The following PLCL1 variants were observed in gnomAD, a reference collection of about 807,000 sequenced individuals.
PLCL1 encodes the protein phospholipase C like 1 (inactive).
PLCL1 carries 41 observed loss-of-function variants against 84.4 expected under a neutral mutation model. The observed-to-expected ratio is 0.49, with a 90% CI of 0.38 to 0.63. PLCL1 has a LOEUF of 0.63. Among genes scored for constraint, PLCL1 ranks in the 30% least tolerant of loss-of-function variants. The pLI, the probability that PLCL1 is intolerant of heterozygous loss-of-function variation, is 0.00. For missense variants in PLCL1, 1,206 were observed against 1,367.8 expected (o/e 0.88, Z 1.87); for synonymous variants, 490 against 488.3 (o/e 1.00, Z -0.05).
At chr2:198,146,629 G>A (rs953218205) in intron 5 of PLCL1, 151 bp from the exon 6 acceptor site, 2 of 570,668 alleles carry the variant, frequency 3.5e-6, no homozygotes, top group South Asian at 7.7e-5. Flanking sequence ...TGTTAGAAAA[G>A]AACCTTGGGT....
At chr2:198,034,696 T>C (rs1691513505) in intron 1 of PLCL1, among the ~76,000 whole-genome samples, 1 of 152,212 alleles carries the variant, frequency 6.6e-6, no homozygotes, top group African/African-American at 2.4e-5. Context: ...TTAATAGACT[T>C]CATTCAGATT....
At chr2:197,890,701 T>TATATATATATACATAC (rs11270566) in intron 1 of PLCL1, among the ~76,000 whole-genome samples, 1 of 118,544 alleles carries the variant, frequency 8.4e-6, no homozygotes, top group Non-Finnish European at 1.7e-5. Context: ...TATATATATA[T>TATATATATATACATAC]ACACACACAC....
intron 1 of PLCL1, among the ~76,000 whole-genome samples, chr2:198,038,932 T>G (rs1169274471): frequency 6.6e-6 from 1 of 152,006 alleles, no homozygotes; most frequent in Non-Finnish European, 1.5e-5. Flanking sequence ...TGTAAGATAG[T>G]AATTTGTTAA....
intron 5 of PLCL1, among the ~76,000 whole-genome samples, chr2:198,135,608 A>G (rs544921696): frequency 1.3e-5 from 2 of 152,150 alleles, no homozygotes; most frequent in African/African-American, 2.4e-5. Flanking sequence ...GGGGTTTTCT[A>G]TTATTCAGCT....
At chr2:198,114,734 A>G (rs1693698089) in intron 5 of PLCL1, among the ~76,000 whole-genome samples, 1 of 151,834 alleles carries the variant, frequency 6.6e-6, no homozygotes, top group Non-Finnish European at 1.5e-5. Flanking sequence ...AAAATGGGCT[A>G]CATCTATCTA....
rs149649457 is a variant in PLCL1 at position 198,003,263 on chromosome 2, G to A, written c.241-80495G>A. ...TTTTTTTTAATATCTTAAAAAACAA[G>A]GGGCACTTCTTGCCATTTTGTGCTA... On this transcript the variant is annotated intron_variant, in intron 1 of 5. Coordinates refer to ENST00000428675, the MANE Select transcript of PLCL1 (RefSeq NM_006226.4). Among the ~76,000 whole-genome samples the A allele has an allele frequency of 1.2e-3, 188 of 152,120 alleles. 1 individual carries two copies. Among genetic ancestry groups the A allele is most frequent in the African/African-American group, 4.0e-3 (164 of 41,492 alleles).
intron 1 of PLCL1, among the ~76,000 whole-genome samples, chr2:197,914,167 T>G (rs569479487): frequency 6.6e-6 from 1 of 152,080 alleles, no homozygotes; most frequent in Non-Finnish European, 1.5e-5. Context: ...TGAAACACTT[T>G]AGGGTATATT....
intron 1 of PLCL1, among the ~76,000 whole-genome samples, chr2:197,891,499 G>A (rs1181482333): frequency 2.6e-5 from 4 of 152,116 alleles, no homozygotes; most frequent in Non-Finnish European, 4.4e-5. Flanking sequence ...GGCGTGTGAA[G>A]GGGCTAAGGT....
At chr2:198,091,504 A>ACC (rs1377531924) in intron 3 of PLCL1, among the ~76,000 whole-genome samples, 1 of 151,284 alleles carries the variant, frequency 6.6e-6, no homozygotes, top group Admixed American at 6.6e-5. Flanking sequence ...ACATAGTGAA[A>ACC]CCCCGTCTCT....
chr2:197,973,177 C>G (rs1210571733), intron 1 of PLCL1, among the ~76,000 whole-genome samples: 1 of 152,182 alleles, frequency 6.6e-6, no homozygotes, highest in Non-Finnish European at 1.5e-5. Context: ...CAGAGGCTCT[C>G]AGCCACAGTA....
At chr2:197,993,296 T>C (rs1403701898) in intron 1 of PLCL1, among the ~76,000 whole-genome samples, 1 of 152,186 alleles carries the variant, frequency 6.6e-6, no homozygotes, top group Admixed American at 6.5e-5. Context: ...TTTTGGCCAT[T>C]TGTATATCTT....
chr2:197,927,031 C>A (rs1688845217), intron 1 of PLCL1, among the ~76,000 whole-genome samples: 1 of 152,188 alleles, frequency 6.6e-6, no homozygotes, highest in African/African-American at 2.4e-5. Context: ...TCACATGTGG[C>A]AGCTAAGTTC....
intron 1 of PLCL1, among the ~76,000 whole-genome samples, chr2:198,007,891 G>A (rs1019989659): frequency 6.6e-6 from 1 of 152,026 alleles, no homozygotes; most frequent in Admixed American, 6.6e-5. Context: ...CAGGGAGAGG[G>A]AAATAAATAT....
chr2:198,017,408 G>A (rs540154285), intron 1 of PLCL1, among the ~76,000 whole-genome samples: 14 of 152,340 alleles, frequency 9.2e-5, no homozygotes, highest in Middle Eastern at 3.4e-3. Flanking sequence ...AGTTAAATCT[G>A]CAGAGGTTGT....
intron 1 of PLCL1, among the ~76,000 whole-genome samples, chr2:197,884,499 G>A (rs139390758): frequency 2.6e-5 from 4 of 152,310 alleles, no homozygotes; most frequent in African/African-American, 9.6e-5. Context: ...GAATAAAAAT[G>A]GGGATTGGTT....
At position 198,085,991 on chromosome 2, in the gene PLCL1, A is replaced by G; in HGVS notation, c.2474A>G (p.His825Arg). 1 of 1,614,112 alleles carries G rather than the reference A, an allele frequency of 6.2e-7. No homozygotes were observed. Among genetic ancestry groups the G allele is most frequent in the Non-Finnish European group, 8.5e-7 (1 of 1,180,000 alleles). ...GAATGTTTGCAGCCTGGATATCGGC[A>G]TGTTCCCCTGCGTTCTTTTGTGGGT... Reference protein sequence around the residue: ...PFECLQPGYRHVPLRSFVGDI... With the variant: ...PFECLQPGYRRVPLRSFVGDI... Residue 825 changes from histidine (H) to arginine (R), a missense_variant, in exon 2 of 6, where the codon CAT (histidine) becomes CGT (arginine). Physicochemically the swap from His to Arg is conservative, Grantham distance 29. Coordinates refer to ENST00000428675, the MANE Select transcript of PLCL1 (RefSeq NM_006226.4). This position sits in a 1 kb window ranked among gnomAD's most constrained non-coding sequence, Gnocchi z 5.3.
rs114798840 is a variant in PLCL1 at position 197,988,364 on chromosome 2, T to C, written c.241-95394T>C. Among the ~76,000 whole-genome samples the C allele has an allele frequency of 4.2e-3, 639 of 152,284 alleles. 5 individuals carry two copies. The highest frequency in any genetic ancestry group is 0.015 in the African/African-American group (611 of 41,546). ...TGTACATTGTACCCAATATGTAGTA[T>C]TATTTATTCCTCACCCTCCTTCCTT... On this transcript the variant is annotated intron_variant, in intron 1 of 5. Transcript: ENST00000428675.
intron 1 of PLCL1, among the ~76,000 whole-genome samples, chr2:197,898,378 G>GT (rs1454797819): frequency 6.6e-6 from 1 of 152,142 alleles, no homozygotes; most frequent in Non-Finnish European, 1.5e-5. Context: ...GCTTCATGAA[G>GT]TTGCCAGATC....
intron 1 of PLCL1, among the ~76,000 whole-genome samples, chr2:197,892,892 G>A (rs2043545): frequency 0.72 from 109,824 of 152,020 alleles, 40,606 homozygotes; most frequent in African/African-American, 0.88. Context: ...CTACTCAGGA[G>A]GCTGAGGCAG....
Sources: gnomAD v4.1 joint callset for allele counts (sites outside exome capture counted in the v4.1 genomes callset) on GRCh38, gnomAD v4.1.1 for gene constraint, Gnocchi (gnomAD v3.1) non-coding constraint, MANE v1.5 for transcripts, NCBI Gene and HGNC (gene_info 2026-07-23, HGNC 2026-07-21) for gene names.